KANSL3: variants seen among roughly 807,000 people sequenced by gnomAD.
The protein encoded by KANSL3 is NSL complex protein NSL3.
KANSL3 carries 16 observed loss-of-function variants against 89.2 expected under a neutral mutation model. The ratio of observed to expected loss-of-function variants is 0.18; its 90% CI spans 0.12 to 0.27. KANSL3 has a LOEUF of 0.27. Among genes scored for constraint, KANSL3 ranks in the 10% least tolerant of loss-of-function variants. The pLI, the probability that KANSL3 is intolerant of heterozygous loss-of-function variation, is 1.00. For missense variants in KANSL3, 879 were observed against 1,110.6 expected (o/e 0.79, Z 2.96); for synonymous variants, 385 against 419.7 (o/e 0.92, Z 1.01).
the KANSL3 span, among the ~76,000 whole-genome samples, chr2:96,587,480 G>A: frequency 6.6e-6 from 1 of 152,152 alleles, no homozygotes; most frequent in Non-Finnish European, 1.5e-5. Context: ...AGCCAAGTGG[G>A]GATCCTAGAC....
chr2:96,603,028 C>T (rs966031351), intron 17 of KANSL3, among the ~76,000 whole-genome samples, 166 bp from the exon 18 acceptor site: 3 of 152,196 alleles, frequency 2.0e-5, no homozygotes, highest in Admixed American at 6.5e-5. Flanking sequence ...TAGGCACACA[C>T]GCAATGGATG....
At chr2:96,612,233 G>A in intron 9 of KANSL3, 49 bp downstream of exon 9, 1 of 1,270,332 alleles carries the variant, frequency 7.9e-7, no homozygotes, top group Non-Finnish European at 1.2e-6. Flanking sequence ...GCTATGATTA[G>A]TGGTATTCCA....
chr2:96,591,455 T>C (rs904877562), downstream of KANSL3, among the ~76,000 whole-genome samples: 2 of 152,318 alleles, frequency 1.3e-5, no homozygotes, highest in Non-Finnish European at 2.9e-5. Flanking sequence ...ACACACACAT[T>C]GTACCAACTT....
rs1020146887 is a variant in KANSL3, at chr2:96,622,162, G to A, written c.387-2400C>T. 4.6e-5 allele frequency among the ~76,000 whole-genome samples: 7 copies of A among 152,068 alleles called. No individual in the cohort carries two copies. In the South Asian group the frequency reaches 1.0e-3, roughly 23 times the overall value. ...AATGCAGCCAGGCAAAGTGGCTCAC[G>A]CCTATAATCCCAGCACTTTGGGAGG... On this transcript the variant is annotated intron_variant, in intron 3 of 20. Coordinates refer to ENST00000431828, the MANE Select transcript of KANSL3 (RefSeq NM_001115016.3).
chr2:96,604,571 T>C (rs555627919), intron 16 of KANSL3, among the ~76,000 whole-genome samples, 191 bp from the exon 17 acceptor site: 7 of 152,332 alleles, frequency 4.6e-5, no homozygotes, highest in Admixed American at 6.5e-5. Context: ...ACAGGACTTA[T>C]AGCAAAAGCC....
At chr2:96,618,966 C>CGTTCCT (rs1436817627) in intron 5 of KANSL3, among the ~76,000 whole-genome samples, 1 of 152,244 alleles carries the variant, frequency 6.6e-6, no homozygotes, top group Non-Finnish European at 1.5e-5. Flanking sequence ...CATCACGGCA[C>CGTTCCT]GTTCCTGCTC....
chr2:96,604,123 A>G, intron 17 of KANSL3, 127 bp downstream of exon 17: 1 of 1,037,466 alleles, frequency 9.6e-7, no homozygotes, highest in Non-Finnish European at 1.3e-6. Flanking sequence ...TCAAGCCTCT[A>G]TGATCACTCT....
chr2:96,622,430 A>ACAAATG (rs2071486887), intron 3 of KANSL3, among the ~76,000 whole-genome samples: 1 of 152,106 alleles, frequency 6.6e-6, no homozygotes, highest in East Asian at 1.9e-4. Flanking sequence ...AAAAGAACCA[A>ACAAATG]CAAATGCAAA....
At position 96,597,257 on chromosome 2, in the gene KANSL3, C is replaced by CA. The variant is rs548060863; in HGVS notation, c.2617-1627dup. Among the ~76,000 whole-genome samples, 49 of 152,180 alleles carry CA rather than the reference C, an allele frequency of 3.2e-4. 1 individual carries two copies. The highest frequency in any genetic ancestry group is 1.0e-3 in the African/African-American group (43 of 41,526). On this transcript the variant is annotated intron_variant, in intron 20 of 20. Coordinates refer to ENST00000431828, the MANE Select transcript of KANSL3 (RefSeq NM_001115016.3). ...AAATTTCCAATTGCCTCATAAATGTCAAAAAAATGGGTAGTTTGTTTCTAA... is the reference window on the plus strand; with the variant it reads ...AAATTTCCAATTGCCTCATAAATGTCAAAAAAAATGGGTAGTTTGTTTCTAA...
intron 3 of KANSL3, 105 bp from the exon 4 acceptor site, chr2:96,619,867 G>A (rs115348870): frequency 0.067 from 62,051 of 920,118 alleles, 2,810 homozygotes; most frequent in Non-Finnish European, 0.08. Flanking sequence ...CTCTGCTAGG[G>A]AACAGTAAAA....
At chr2:96,607,015 G>A (rs1227741255) in intron 14 of KANSL3, 1 of 1,289,656 alleles carries the variant, frequency 7.8e-7, no homozygotes, top group Non-Finnish European at 1.0e-6. Context: ...TTCCTCACCA[G>A]CATATTTTGT....
chr2:96,631,224 T>A (rs1219063786), intron 3 of KANSL3, 88 bp downstream of exon 3: 1 of 956,446 alleles, frequency 1.0e-6, no homozygotes, highest in Non-Finnish European at 1.6e-6. Flanking sequence ...TTGCTGCAAA[T>A]GAAATAAGGT....
intron 2 of KANSL3, 26 bp from the exon 3 acceptor site, chr2:96,631,508 C>T (rs763804829): frequency 1.1e-5 from 17 of 1,553,652 alleles, no homozygotes; most frequent in Admixed American, 3.9e-5. Flanking sequence ...GAAATAGGAC[C>T]GGGCCACACA....
chr2:96,588,018 GCTATACCTAAGAT>G, the KANSL3 span, among the ~76,000 whole-genome samples: 1 of 152,126 alleles, frequency 6.6e-6, no homozygotes, highest in South Asian at 2.1e-4. Context: ...GTGCTGTAGG[GCTATACCTAAGAT>G]CTAATAGTCA....
At chr2:96,598,648 G>C (rs1043265963) in intron 20 of KANSL3, among the ~76,000 whole-genome samples, 1 of 152,052 alleles carries the variant, frequency 6.6e-6, no homozygotes, top group Non-Finnish European at 1.5e-5. Context: ...GATGGCTCAC[G>C]CCTGTAATCC....
At chr2:96,635,713 G>C (rs761378171) in intron 2 of KANSL3, among the ~76,000 whole-genome samples, 1 of 152,180 alleles carries the variant, frequency 6.6e-6, no homozygotes, top group Non-Finnish European at 1.5e-5. Flanking sequence ...AGTGGGTCAG[G>C]AGCGGTGGCT....
chr2:96,628,372 C>A (rs1439731906), intron 3 of KANSL3: 9 of 491,368 alleles, frequency 1.8e-5, no homozygotes, highest in Non-Finnish European at 2.4e-5. Flanking sequence ...GAAACTCAGC[C>A]AAGTGCAGTG....
intron 3 of KANSL3, 144 bp from the exon 4 acceptor site, chr2:96,619,906 C>A (rs1376508863): frequency 2.2e-5 from 14 of 650,942 alleles, no homozygotes; most frequent in Non-Finnish European, 3.7e-5. Flanking sequence ...GACCACTGAC[C>A]TAAAACACAA....
chr2:96,610,911 G>A, intron 10 of KANSL3, 28 bp from the exon 11 acceptor site: 1 of 1,608,582 alleles, frequency 6.2e-7, no homozygotes, highest in Non-Finnish European at 8.5e-7. Context: ...TTTAGAATCG[G>A]CTTCTTCATA....
Sources: gnomAD v4.1 joint callset for allele counts (sites outside exome capture counted in the v4.1 genomes callset) on GRCh38, gnomAD v4.1.1 for gene constraint, MANE v1.5 for transcripts, NCBI Gene and HGNC (gene_info 2026-07-23, HGNC 2026-07-21) for gene names.